The following AGO4 variants were observed in gnomAD, a reference collection of about 807,000 sequenced individuals.
The protein encoded by AGO4 is argonaute RISC component 4, also known as protein argonaute-4.
Under a neutral mutation model 104.7 loss-of-function variants are expected in AGO4, and 33 were observed. The ratio of observed to expected loss-of-function variants is 0.32; its 90% CI spans 0.24 to 0.42. The LOEUF (loss-of-function observed/expected upper bound fraction) is 0.42. Ranked by LOEUF, AGO4 falls within the 10% of genes least tolerant of loss-of-function variation. AGO4 has a pLI of 1.00. For synonymous variants in AGO4, 331 were observed against 364.7 expected (o/e 0.91, Z 1.05); for missense variants, 711 against 1,083.4 (o/e 0.66, Z 4.83).
rs1200778139 is a variant in AGO4 at position 35,841,578 on chromosome 1, A to C, written c.2041-38A>C. ...GGGTAGATCTGAGAGATACTAGGCA[A>C]ATTCTCAATTAAACATAATTCCATT... On this transcript the variant is annotated intron_variant, in intron 14 of 17. Transcript: ENST00000373210. This position sits in a 1 kb window ranked among gnomAD's most constrained non-coding sequence, Gnocchi z 4.7. 2.5e-6 allele frequency: 4 copies of C among 1,613,464 alleles called. No individual in the cohort carries two copies. Among genetic ancestry groups the C allele is most frequent in the Non-Finnish European group, 3.4e-6 (4 of 1,179,716 alleles).
chr1:35,836,571 G>T (rs145411444), intron 13 of AGO4, among the ~76,000 whole-genome samples: 53 of 152,246 alleles, frequency 3.5e-4, no homozygotes, highest in East Asian at 2.9e-3. Flanking sequence ...CACCACACCC[G>T]GCTAATTTTT....
intron 2 of AGO4, among the ~76,000 whole-genome samples, chr1:35,817,438 A>C (rs1030076996): frequency 6.4e-4 from 97 of 152,208 alleles, no homozygotes; most frequent in African/African-American, 2.2e-3. Context: ...TCAATACAGA[A>C]GATTACTTGC....
intron 15 of AGO4, among the ~76,000 whole-genome samples, chr1:35,844,306 AG>A (rs956783448): frequency 6.6e-6 from 1 of 152,192 alleles, no homozygotes; most frequent in African/African-American, 2.4e-5. Flanking sequence ...AGCCTCTCAA[AG>A]TTCTAGGATT....
chr1:35,810,203 C>G (rs932985472), intron 1 of AGO4, among the ~76,000 whole-genome samples: 1 of 152,208 alleles, frequency 6.6e-6, no homozygotes, highest in African/African-American at 2.4e-5. Context: ...CCTGTCTGCT[C>G]TCTAGCAAAC....
intron 1 of AGO4, among the ~76,000 whole-genome samples, chr1:35,814,657 C>T (rs1474302808): frequency 6.6e-6 from 1 of 152,072 alleles, no homozygotes; most frequent in Non-Finnish European, 1.5e-5. Flanking sequence ...CTTTTGAACA[C>T]AGAGGACGGA....
At chr1:35,827,301 C>G (rs1644047538) in intron 7 of AGO4, among the ~76,000 whole-genome samples, 1 of 152,128 alleles carries the variant, frequency 6.6e-6, no homozygotes, top group African/African-American at 2.4e-5. Context: ...AGGCAGATCA[C>G]TTGAAGTCAG....
chr1:35,830,933 C>T (rs141779777), intron 7 of AGO4, among the ~76,000 whole-genome samples: 2,090 of 147,692 alleles, frequency 0.014, 24 homozygotes, highest in Non-Finnish European at 0.019. Flanking sequence ...GATGGTGCCA[C>T]TGCACTCCCG....
chr1:35,822,415 C>T (rs539592559), intron 2 of AGO4, among the ~76,000 whole-genome samples: 13 of 151,202 alleles, frequency 8.6e-5, no homozygotes, highest in South Asian at 2.1e-4. Context: ...GCCACCATGC[C>T]GGCTAATTTT....
intron 17 of AGO4, among the ~76,000 whole-genome samples, chr1:35,852,967 T>C (rs1644737520): frequency 6.6e-6 from 1 of 152,204 alleles, no homozygotes; most frequent in Non-Finnish European, 1.5e-5. Flanking sequence ...AGAAGTTCAG[T>C]TGGCCTGGCG....
At chr1:35,845,472 G>T (rs146806715) in intron 15 of AGO4, among the ~76,000 whole-genome samples, 1 of 151,984 alleles carries the variant, frequency 6.6e-6, no homozygotes, top group South Asian at 2.1e-4. Flanking sequence ...CTCCCAAAGT[G>T]CTGGGATTAC....
intron 10 of AGO4, 24 bp from the exon 11 acceptor site, chr1:35,832,413 T>A: frequency 6.4e-7 from 1 of 1,555,062 alleles, no homozygotes; most frequent in Non-Finnish European, 8.6e-7. Context: ...CTTCTTCTTC[T>A]TCTTCTTTTT....
rs1644755865 is a variant in AGO4, at chr1:35,853,543, C to G, written c.2524C>G (p.Gln842Glu). The change falls in exon 18 of 18, where the codon CAG (glutamine) becomes GAG (glutamate). Residue 842 changes from glutamine to glutamate, a missense_variant. By Grantham distance (29) the Gln-to-Glu change is conservative (BLOSUM62 2). Around this residue, in one of 3 missense-constraint regions of AGO4, gnomAD observed 401 missense variants for 665.5 expected, o/e 0.60. Transcript: ENST00000373210. ...AGGACAGAGCAACGGCCGGGATCCT[C>G]AGGCCTTGGCTAAGGCTGTGCAAAT... ...VSGQSNGRDP[Q>E]ALAKAVQIHH... is the part of the protein sequence containing the mutation. 1.9e-6 allele frequency: 3 copies of G among 1,613,954 alleles called. No individual in the cohort carries two copies. The highest frequency in any genetic ancestry group is 1.7e-5 in the Admixed American group (1 of 59,984).
At chr1:35,823,369 C>T (rs1480672536) in intron 3 of AGO4, among the ~76,000 whole-genome samples, 1 of 152,096 alleles carries the variant, frequency 6.6e-6, no homozygotes, top group African/African-American at 2.4e-5. Flanking sequence ...TCTCCTGCCC[C>T]AGCCTTCCAA....
Position 35,823,009 on chromosome 1 carries a change from A to G in AGO4, c.306+27A>G, listed in dbSNP as rs775075618. ...TAAGTGTTAAGAGCAAGAAATACTTAGTTCATTTAGTAGTAATTATACATG... is the reference window on the plus strand; with the variant it reads ...TAAGTGTTAAGAGCAAGAAATACTTGGTTCATTTAGTAGTAATTATACATG... On this transcript the variant is annotated intron_variant, in intron 3 of 17. Coordinates refer to ENST00000373210, the MANE Select transcript of AGO4 (RefSeq NM_017629.4). 3 of 1,607,540 alleles carry G rather than the reference A, an allele frequency of 1.9e-6. No individual in the cohort carries two copies. In the Admixed American group the frequency reaches 5.0e-5, roughly 27 times the overall value.
rs1644193762 is a variant in AGO4 at position 35,831,865 on chromosome 1, G to A, written c.1050G>A (p.Gln350=). 6.2e-7 allele frequency: 1 copy of A among 1,613,998 alleles called. No homozygotes were observed. The change falls in exon 9 of 18, where the codon CAG becomes CAA. Residue 350 remains glutamine (Q), a synonymous_variant. Transcript: ENST00000373210. The part of the protein sequence containing the change: ...QRCIKKLTDN[Q]TSTMIKATAR... ...GTATCAAGAAGCTCACAGACAATCA[G>A]ACTTCCACAATGATCAAAGCTACAG...
intron 13 of AGO4, among the ~76,000 whole-genome samples, chr1:35,839,199 C>T (rs1167802030): frequency 6.6e-6 from 1 of 152,048 alleles, no homozygotes; most frequent in Non-Finnish European, 1.5e-5. Context: ...CCACACTGGT[C>T]TCAAACTCCT....
In AGO4 at chr1:35,808,465, C is replaced by G. The variant is rs1643373269; in HGVS notation, c.19+30C>G. 1.7e-6 allele frequency: 2 copies of G among 1,176,886 alleles called. No homozygotes were observed. Among genetic ancestry groups the G allele is most frequent in the South Asian group, 4.2e-5 (1 of 23,854 alleles). 72.9% of individuals were successfully genotyped at this position (1,176,886 alleles called of 1,614,324 possible). ...GGAGCGAGCTCGGGTCGGGGCGGGACCCGGGACCCGGGACCCGGGGCGGGC... is the reference window on the plus strand; with the variant it reads ...GGAGCGAGCTCGGGTCGGGGCGGGAGCCGGGACCCGGGACCCGGGGCGGGC... On this transcript the variant is annotated intron_variant, in intron 1 of 17. Coordinates refer to ENST00000373210, the MANE Select transcript of AGO4 (RefSeq NM_017629.4). This position sits in a 1 kb window ranked among gnomAD's most constrained non-coding sequence, Gnocchi z 5.2.
intron 2 of AGO4, among the ~76,000 whole-genome samples, chr1:35,818,658 A>AAGGAAGGAAGGAAGGAAGG (rs1553144551): frequency 3.1e-4 from 19 of 61,510 alleles, no homozygotes; most frequent in African/African-American, 1.0e-3. Flanking sequence ...AGAAAGAAAG[A>AAGGAAGGAAGGAAGGAAGG]AAGGAAGAAA....
At chr1:35,846,894 T>C (rs1181172943) in intron 15 of AGO4, among the ~76,000 whole-genome samples, 1 of 151,922 alleles carries the variant, frequency 6.6e-6, no homozygotes, top group Non-Finnish European at 1.5e-5. Flanking sequence ...TATAAAATGG[T>C]ACAGTAAGCA....
Sources: gnomAD v4.1 joint callset for allele counts (sites outside exome capture counted in the v4.1 genomes callset) on GRCh38, gnomAD v4.1.1 for gene constraint, gnomAD v4.1.1 regional missense constraint, Gnocchi (gnomAD v3.1) non-coding constraint, MANE v1.5 for transcripts, NCBI Gene and HGNC (gene_info 2026-07-23, HGNC 2026-07-21) for gene names.